Variants in SERF2 observed in about 807,000 individuals in gnomAD.
The protein encoded by SERF2 is gastric cancer-related protein VRG107.
SERF2 carries 4 observed loss-of-function variants against 10.7 expected under a neutral mutation model. That is an observed-to-expected ratio of 0.37 (90% CI 0.18 to 0.86). The LOEUF (loss-of-function observed/expected upper bound fraction) is 0.86, where lower values mean the gene tolerates loss of function less well. Ranked by LOEUF, SERF2 falls within the 40% of genes least tolerant of loss-of-function variation. The pLI is 0.43. For missense variants in SERF2, 47 were observed against 79.1 expected (o/e 0.59, Z 1.54); for synonymous variants, 26 against 26.0 (o/e 1.00, Z 0.01).
chr15:43,793,087 G>A lies in SERF2; in HGVS notation c.116+4G>A. The A allele has an allele frequency of 1.3e-6, 2 of 1,598,448 alleles. No individual in the cohort carries two copies. The highest frequency in any genetic ancestry group is 1.7e-6 in the Non-Finnish European group (2 of 1,166,390). On this transcript the variant is annotated splice_donor_region_variant and intron_variant, in intron 2 of 2. Transcript: ENST00000249786. ...CTGCTGCCGCCCGCAAGCAGAGGTA[G>A]CCCCAGGGAGGGGAGGGAAAGGGAC...
intron 2 of SERF2, among the ~76,000 whole-genome samples, chr15:43,786,879 T>C (rs2087011567): frequency 6.6e-6 from 1 of 152,042 alleles, no homozygotes; most frequent in African/African-American, 2.4e-5. Flanking sequence ...ACCCTAGCAA[T>C]GGAAAAAAAG....
chr15:43,787,265 C>T (rs2087015599), intron 2 of SERF2, among the ~76,000 whole-genome samples: 1 of 151,928 alleles, frequency 6.6e-6, no homozygotes, highest in African/African-American at 2.4e-5. Context: ...TCCCAAAGTG[C>T]TGGGATTACA....
rs139877963 is a variant in SERF2 at position 43,786,106 on chromosome 15, C to T, written c.-402+572C>T. Among the ~76,000 whole-genome samples, 144 of 151,980 alleles carry T rather than the reference C, an allele frequency of 9.5e-4. 2 individuals carry two copies. Among genetic ancestry groups the T allele is most frequent in the East Asian group, 5.2e-3 (27 of 5,146 alleles). ...ATCTTTGGCTCTATATTCATCTCTACAAGCAAGGCACTAAAAAGCTGGTTG... is the reference window on the plus strand; with the variant it reads ...ATCTTTGGCTCTATATTCATCTCTATAAGCAAGGCACTAAAAAGCTGGTTG... On this transcript the variant is annotated intron_variant, in intron 2 of 4. Transcript: ENST00000381359.
rs1186677519 is a variant in SERF2, at chr15:43,794,855, A to G, written c.*1082A>G. Reference sequence around the variant, plus strand: ...CCAGCACATTAGACTGTGTTTGACCACTTCTTCCAGTTCATAGTATTGACT... The same window carrying G: ...CCAGCACATTAGACTGTGTTTGACCGCTTCTTCCAGTTCATAGTATTGACT... On this transcript the variant is annotated 3_prime_UTR_variant, in exon 3 of 3. Transcript: ENST00000249786. The G allele has an allele frequency of 1.2e-4, 79 of 664,482 alleles. No homozygotes were observed. The East Asian group carries it at 2.0e-3, about 17-fold the overall frequency. The allele number at this position is 664,482 out of a possible 1,614,324, so 41.2% of individuals were successfully genotyped here.
chr15:43,790,378 G>A (rs944575056), upstream of SERF2, among the ~76,000 whole-genome samples: 17 of 152,004 alleles, frequency 1.1e-4, no homozygotes, highest in Admixed American at 5.2e-4. Flanking sequence ...GAGAGAGAGA[G>A]GCAGACAGGG....
chr15:43,795,983 TAAATG>T lies in SERF2; in HGVS notation c.*2212_*2216del. 6.1e-6 allele frequency: 4 copies of T among 652,944 alleles called. No homozygotes were observed. The highest frequency in any genetic ancestry group is 1.1e-5 in the Non-Finnish European group (4 of 368,172). 40.4% of individuals were successfully genotyped at this position (652,944 alleles called of 1,614,324 possible). ...CACAGGGTTGTTGTGAGGGTTAAATTAAATGAGATTATGTAAAAGTATCTAGCACA... is the reference window on the plus strand; with the variant it reads ...CACAGGGTTGTTGTGAGGGTTAAATTAGATTATGTAAAAGTATCTAGCACA... On this transcript the variant is annotated 3_prime_UTR_variant, in exon 3 of 3. Transcript: ENST00000249786.
chr15:43,792,743 C>T (rs2087094948), intron 1 of SERF2: 2 of 814,232 alleles, frequency 2.5e-6, no homozygotes, highest in Admixed American at 3.0e-5. Context: ...CCCCAAAACA[C>T]GCCTCCAGCT....
At chr15:43,779,802 T>A (rs2086950894) in intron 1 of SERF2, among the ~76,000 whole-genome samples, 1 of 152,150 alleles carries the variant, frequency 6.6e-6, no homozygotes, top group Non-Finnish European at 1.5e-5. Context: ...CAAAATTACA[T>A]CTGTATTTTC....
intron 1 of SERF2, among the ~76,000 whole-genome samples, chr15:43,782,239 T>C (rs1314004160): frequency 6.6e-6 from 1 of 152,200 alleles, no homozygotes; most frequent in Non-Finnish European, 1.5e-5. Flanking sequence ...CCCCAAAATA[T>C]GCATGTACTT....
intron 1 of SERF2, chr15:43,792,711 C>CA (rs950643136): frequency 2.9e-6 from 3 of 1,048,178 alleles, no homozygotes; most frequent in Non-Finnish European, 4.0e-6. Context: ...CACACCTTGC[C>CA]AGCTGTTTGG....
chr15:43,792,941 C>T (rs780262465), intron 1 of SERF2, 34 bp from the exon 2 acceptor site: 4 of 1,476,758 alleles, frequency 2.7e-6, no homozygotes, highest in Admixed American at 3.8e-5. Context: ...GGCAGAGCGG[C>T]CCCCGCGTCT....
Position 43,795,419 on chromosome 15 carries a change from AGAGT to A in SERF2, c.*1650_*1653del, listed in dbSNP as rs761385821. 16 of 1,614,184 alleles carry A rather than the reference AGAGT, an allele frequency of 9.9e-6. No individual in the cohort carries two copies. In the Admixed American group the frequency reaches 2.7e-4, roughly 27 times the overall value. On this transcript the variant is annotated 3_prime_UTR_variant, in exon 3 of 3. Coordinates refer to ENST00000249786, the MANE Select transcript of SERF2 (RefSeq NM_001018108.4). Reference sequence around the variant, plus strand: ...CAGTTGGTAAGGGTAACCATGACATAGAGTGAGGCAAGGAAGAAGACGAAGTGGA... The same window carrying A: ...CAGTTGGTAAGGGTAACCATGACATAGAGGCAAGGAAGAAGACGAAGTGGA...
At chr15:43,786,347 G>A (rs1480564868) in intron 2 of SERF2, among the ~76,000 whole-genome samples, 1 of 150,964 alleles carries the variant, frequency 6.6e-6, no homozygotes, top group African/African-American at 2.4e-5. Flanking sequence ...CCCAGGAGGC[G>A]GAGCTTGCAG....
Position 43,795,780 on chromosome 15 carries a change from GAGGGTGTTAATCT to G in SERF2, c.*2011_*2023del. On this transcript the variant is annotated 3_prime_UTR_variant, in exon 3 of 3. Coordinates refer to ENST00000249786, the MANE Select transcript of SERF2 (RefSeq NM_001018108.4). ...GTTTTGGAATGGTCTTAAAAGATGT[GAGGGTGTTAATCT>G]AGGAAACTTCCCCCGTGAAAAGATT... 1.3e-6 allele frequency: 2 copies of G among 1,594,872 alleles called. No individual in the cohort carries two copies. Among genetic ancestry groups the G allele is most frequent in the South Asian group, 2.2e-5 (2 of 89,666 alleles).
In SERF2 at chr15:43,794,792, C is replaced by G; in HGVS notation, c.*1019C>G. ...GGTGTTAGGCTCTTGAGCTGGGATG[C>G]AGATGTAACAGTAGCTCCAGTGAGT... On this transcript the variant is annotated 3_prime_UTR_variant, in exon 3 of 3. Transcript: ENST00000249786. 1.9e-6 allele frequency: 1 copy of G among 530,012 alleles called. No individual in the cohort carries two copies. 32.8% of individuals were successfully genotyped at this position (530,012 alleles called of 1,614,324 possible). A position where few individuals can be genotyped will look rare whatever the true frequency, so the allele number is the denominator to read the frequency against.
chr15:43,777,257 C>A (rs1485054424), exon 1 of SERF2: 2 of 457,740 alleles, frequency 4.4e-6, no homozygotes, highest in Non-Finnish European at 8.7e-6. Flanking sequence ...CCCCAGCGAC[C>A]CTGAATTTGG....
At chr15:43,777,273 C>A (rs1264576181) in exon 1 of SERF2, 8 of 433,264 alleles carry the variant, frequency 1.8e-5, no homozygotes, top group African/African-American at 1.6e-4. Context: ...TTTGGAGTTG[C>A]TGTCTCTAAG....
intron 2 of SERF2, 163 bp from the exon 3 acceptor site, chr15:43,793,547 C>G: frequency 6.7e-7 from 1 of 1,494,614 alleles, no homozygotes. Flanking sequence ...GCCTTTTGAG[C>G]CTCAGCTCTC....
In SERF2 at chr15:43,795,764, T is replaced by C. The variant is rs1352205042; in HGVS notation, c.*1991T>C. 6.2e-7 allele frequency: 1 copy of C among 1,611,056 alleles called. No individual in the cohort carries two copies. Among genetic ancestry groups the C allele is most frequent in the East Asian group, 2.2e-5 (1 of 44,856 alleles). On this transcript the variant is annotated 3_prime_UTR_variant, in exon 3 of 3. Transcript: ENST00000249786. ...GCAAAACAGAACGCAGGTTTTGGAA[T>C]GGTCTTAAAAGATGTGAGGGTGTTA...
Sources: gnomAD v4.1 joint callset for allele counts (sites outside exome capture counted in the v4.1 genomes callset) on GRCh38, gnomAD v4.1.1 for gene constraint, MANE v1.5 for transcripts, NCBI Gene and HGNC (gene_info 2026-07-23, HGNC 2026-07-21) for gene names.